Variants in HDAC9 observed in about 807,000 individuals in gnomAD.
The protein encoded by HDAC9 is histone deacetylase 9.
In HDAC9, 41 loss-of-function variants were observed where a neutral mutation model predicts 139.4. The observed-to-expected ratio is 0.29, with a 90% confidence interval of 0.23 to 0.38. The LOEUF is 0.38. HDAC9 is among the 10% of genes least tolerant of loss of function. The pLI, the probability that HDAC9 is intolerant of heterozygous loss-of-function variation, is 1.00. For synonymous variants in HDAC9, 517 were observed against 476.2 expected (o/e 1.09, Z -1.12); for missense variants, 1,147 against 1,297.0 (o/e 0.88, Z 1.78).
chr7:18,311,072 A>C (rs1188987291), intron 1 of HDAC9, among the ~76,000 whole-genome samples: 1 of 148,858 alleles, frequency 6.7e-6, no homozygotes, highest in African/African-American at 2.5e-5. Flanking sequence ...TTATTTGTTT[A>C]CCTCTCAGTT....
chr7:18,840,214 A>G (rs967689321), intron 21 of HDAC9, among the ~76,000 whole-genome samples: 6 of 152,118 alleles, frequency 3.9e-5, no homozygotes, highest in Non-Finnish European at 8.8e-5. Context: ...AAGAAAGGTC[A>G]TAGAGCTCTT....
intron 17 of HDAC9, among the ~76,000 whole-genome samples, chr7:18,825,981 G>A (rs992571303): frequency 6.6e-6 from 1 of 151,420 alleles, no homozygotes; most frequent in African/African-American, 2.4e-5. Context: ...ATTTGGAGGG[G>A]AATTATACAA....
intron 1 of HDAC9, among the ~76,000 whole-genome samples, chr7:18,404,419 A>G (rs1787823663): frequency 6.6e-6 from 1 of 152,216 alleles, no homozygotes; most frequent in African/African-American, 2.4e-5. Context: ...GAGAATGAGA[A>G]TAGGTTGTAT....
chr7:18,771,391 C>T (rs1408751336), intron 16 of HDAC9, among the ~76,000 whole-genome samples: 2 of 152,056 alleles, frequency 1.3e-5, no homozygotes, highest in Admixed American at 6.6e-5. Context: ...ATTTCAATTG[C>T]TCTGAGGTTT....
In HDAC9 at chr7:18,187,756, G is replaced by A. The variant is rs114937662; in HGVS notation, c.25+25407G>A. On this transcript the variant is annotated intron_variant, in intron 2 of 12. Transcript: ENST00000417496. ...CACAAATCTAATTATGTAATTTCTC[G>A]AAAATCTTCCATGGCTTGCCATGGC... 1.7e-3 allele frequency among the ~76,000 whole-genome samples: 258 copies of A among 152,126 alleles called. 1 individual carries two copies. The highest frequency in any genetic ancestry group is 5.8e-3 in the African/African-American group (240 of 41,498).
chr7:18,584,934 T>C (rs1300945592), intron 2 of HDAC9, among the ~76,000 whole-genome samples: 1 of 1,936 alleles, frequency 5.2e-4, no homozygotes, highest in Non-Finnish European at 2.9e-3. Flanking sequence ...ATAATTCCAT[T>C]TTTTTTTTTG....
At chr7:18,847,842 G>A (rs572986468) in intron 21 of HDAC9, among the ~76,000 whole-genome samples, 83 of 152,244 alleles carry the variant, frequency 5.5e-4, no homozygotes, top group Middle Eastern at 3.4e-3. Flanking sequence ...AGGAGATCTG[G>A]TTATGCTATG....
intron 11 of HDAC9, among the ~76,000 whole-genome samples, chr7:18,653,921 C>T (rs569589435): frequency 2.0e-5 from 3 of 152,248 alleles, no homozygotes; most frequent in East Asian, 1.9e-4. Context: ...AACCCTCCAT[C>T]CACAGTAACC....
At chr7:18,272,925 AC>A (rs1796450188) in intron 2 of HDAC9, among the ~76,000 whole-genome samples, 1 of 42,284 alleles carries the variant, frequency 2.4e-5, no homozygotes, top group Non-Finnish European at 6.0e-5. Flanking sequence ...TACTACTACT[AC>A]TACTACTACT....
intron 21 of HDAC9, among the ~76,000 whole-genome samples, chr7:18,863,146 A>G (rs1264932976): frequency 1.3e-5 from 2 of 152,212 alleles, no homozygotes; most frequent in African/African-American, 4.8e-5. Flanking sequence ...AGAAATGGGA[A>G]TGGCCTTTCA....
intron 1 of HDAC9, among the ~76,000 whole-genome samples, chr7:18,122,599 G>T (rs953455256): frequency 2.6e-5 from 4 of 151,850 alleles, no homozygotes; most frequent in Non-Finnish European, 5.9e-5. Flanking sequence ...TAAGGATTTG[G>T]GTCTATCATT....
chr7:18,585,101 T>A (rs1469561859), intron 2 of HDAC9, among the ~76,000 whole-genome samples, 180 bp from the exon 3 acceptor site: 1 of 152,208 alleles, frequency 6.6e-6, no homozygotes, highest in Non-Finnish European at 1.5e-5. Flanking sequence ...TATGGCCCAT[T>A]TATCAAAACT....
At chr7:18,535,621 T>C (rs1196628396) in intron 2 of HDAC9, among the ~76,000 whole-genome samples, 2 of 141,230 alleles carry the variant, frequency 1.4e-5, no homozygotes, top group South Asian at 2.2e-4. Context: ...ATTTTATTGA[T>C]AACAAATGCT....
chr7:18,659,941 TCTC>T (rs1317287362), intron 11 of HDAC9, among the ~76,000 whole-genome samples: 1 of 152,052 alleles, frequency 6.6e-6, no homozygotes, highest in East Asian at 1.9e-4. Flanking sequence ...TAAGCAGACA[TCTC>T]CTCACTACAT....
At chr7:18,366,189 A>C (rs952598452) in intron 1 of HDAC9, among the ~76,000 whole-genome samples, 38 of 152,128 alleles carry the variant, frequency 2.5e-4, no homozygotes, top group Non-Finnish European at 4.0e-4. Flanking sequence ...GAAACTGATC[A>C]TGGGTGATGA....
rs189904801 is a variant in HDAC9 at position 18,438,983 on chromosome 7, G to T, written c.-41-57279G>T. Among the ~76,000 whole-genome samples the T allele has an allele frequency of 2.6e-5, 4 of 152,324 alleles. No individual in the cohort carries two copies. The East Asian group carries it at 7.7e-4, about 29-fold the overall frequency. ...CGAACACTGCATAGTACAAAACAATGTGTGTGCATACTGTGGATATGACAT... is the reference window on the plus strand; with the variant it reads ...CGAACACTGCATAGTACAAAACAATTTGTGTGCATACTGTGGATATGACAT... On this transcript the variant is annotated intron_variant, in intron 1 of 3. Transcript: ENST00000413509.
intron 1 of HDAC9, among the ~76,000 whole-genome samples, chr7:18,370,305 C>G (rs1178323164): frequency 1.3e-5 from 2 of 151,580 alleles, no homozygotes; most frequent in Non-Finnish European, 2.9e-5. Context: ...AAAGGAGTAA[C>G]ATTGGCCAGG....
Position 18,710,473 on chromosome 7 carries a change from G to T in HDAC9, c.1732-17107G>T, listed in dbSNP as rs138122486. On this transcript the variant is annotated intron_variant, in intron 12 of 25. Transcript: ENST00000686413. ...TCATACACACATGCACACATATACA[G>T]ATATGTACAGAAACACACATATATG... Among the ~76,000 whole-genome samples the T allele has an allele frequency of 7.8e-4, 118 of 152,148 alleles. 1 individual carries two copies. Among genetic ancestry groups the T allele is most frequent in the African/African-American group, 2.7e-3 (110 of 41,494 alleles).
intron 25 of HDAC9, among the ~76,000 whole-genome samples, chr7:18,995,177 G>T (rs559180232): frequency 6.6e-6 from 1 of 152,254 alleles, no homozygotes; most frequent in South Asian, 2.1e-4. Flanking sequence ...TCACAAAAGC[G>T]TATTTAAATC....
Sources: gnomAD v4.1 joint callset for allele counts (sites outside exome capture counted in the v4.1 genomes callset) on GRCh38, gnomAD v4.1.1 for gene constraint, MANE v1.5 for transcripts, NCBI Gene and HGNC (gene_info 2026-07-23, HGNC 2026-07-21) for gene names.